DNAJC17: variants seen among roughly 807,000 people sequenced by gnomAD.
DNAJC17 encodes the protein dnaJ homolog subfamily C member 17.
A neutral mutation model predicts 48.1 loss-of-function variants in DNAJC17; 35 were observed. The ratio of observed to expected loss-of-function variants is 0.73; its 90% CI spans 0.56 to 0.96. The LOEUF (loss-of-function observed/expected upper bound fraction) is 0.96, where lower values mean the gene tolerates loss of function less well. Ranked by LOEUF, DNAJC17 falls within the 50% of genes least tolerant of loss-of-function variation. DNAJC17 has a pLI of 0.00. For synonymous variants in DNAJC17, 117 were observed against 142.7 expected (o/e 0.82, Z 1.28); for missense variants, 355 against 377.1 (o/e 0.94, Z 0.48).
At chr15:40,776,836 G>A in intron 4 of DNAJC17, 1 of 559,906 alleles carries the variant, frequency 1.8e-6, no homozygotes, top group Non-Finnish European at 3.2e-6. Context: ...AGAGTGGCCA[G>A]GGGTCTGGAA....
intron 4 of DNAJC17, among the ~76,000 whole-genome samples, chr15:40,777,536 T>C (rs1889364599): frequency 1.3e-5 from 2 of 152,142 alleles, no homozygotes; most frequent in Admixed American, 1.3e-4. Context: ...CTGGCCAATG[T>C]GGCAAAACTC....
intron 10 of DNAJC17, among the ~76,000 whole-genome samples, chr15:40,773,140 T>G (rs1339160313): frequency 6.6e-6 from 1 of 152,094 alleles, no homozygotes; most frequent in Non-Finnish European, 1.5e-5. Context: ...TTTGTGTTTT[T>G]GTAGAGACGG....
At chr15:40,782,899 G>GCCTC (rs1289899722) in intron 1 of DNAJC17, among the ~76,000 whole-genome samples, 2 of 152,132 alleles carry the variant, frequency 1.3e-5, no homozygotes, top group Non-Finnish European at 2.9e-5. Flanking sequence ...AACCACCCAG[G>GCCTC]ACAGGCGCTG....
At chr15:40,807,004 G>GA (rs1890251029) in intron 1 of DNAJC17, 1 of 512,232 alleles carries the variant, frequency 2.0e-6, no homozygotes. Context: ...GCCTGCAGAA[G>GA]AGACTGAAAT....
intron 1 of DNAJC17, among the ~76,000 whole-genome samples, chr15:40,783,954 T>C (rs1390847442): frequency 6.6e-6 from 1 of 152,126 alleles, no homozygotes; most frequent in East Asian, 1.9e-4. Flanking sequence ...AGGCTGGGTG[T>C]GGTGGCTCAC....
At chr15:40,796,230 T>C (rs1346837454) in intron 1 of DNAJC17, among the ~76,000 whole-genome samples, 1 of 152,206 alleles carries the variant, frequency 6.6e-6, no homozygotes, top group Non-Finnish European at 1.5e-5. Context: ...GACATAGTAG[T>C]AAACAAAACA....
rs1889090099 is a variant in DNAJC17, at chr15:40,770,234, A to G, written c.793-2172T>C. 2.0e-6 allele frequency: 1 copy of G among 502,998 alleles called. No individual in the cohort carries two copies. 31.2% of individuals were successfully genotyped at this position (502,998 alleles called of 1,614,324 possible). A position where few individuals can be genotyped will look rare whatever the true frequency, so the allele number is the denominator to read the frequency against. On this transcript the variant is annotated intron_variant, in intron 10 of 10. Coordinates refer to ENST00000220496, the MANE Select transcript of DNAJC17 (RefSeq NM_018163.3). This position sits in a 1 kb window ranked among gnomAD's most constrained non-coding sequence, Gnocchi z 5.0. ...TGGGTTTTTTTCCACTACCCTATTC[A>G]GTAACCAGGCCACTCCTGTCCCTGT... is the stretch of plus-strand genomic sequence containing the variant.
chr15:40,776,914 G>A, intron 4 of DNAJC17: 1 of 373,872 alleles, frequency 2.7e-6, no homozygotes, highest in Non-Finnish European at 5.1e-6. Flanking sequence ...TGGTGCTTAT[G>A]TCAGCAGCCC....
At chr15:40,787,560 A>G (rs957598149) in intron 1 of DNAJC17, among the ~76,000 whole-genome samples, 3 of 152,220 alleles carry the variant, frequency 2.0e-5, no homozygotes, top group African/African-American at 4.8e-5. Context: ...GGATAACCAC[A>G]GTGGGAACTA....
intron 4 of DNAJC17, among the ~76,000 whole-genome samples, chr15:40,778,926 C>T (rs754253593): frequency 8.6e-5 from 13 of 151,986 alleles, no homozygotes; most frequent in Non-Finnish European, 1.8e-4. Context: ...AGGGTGAGAC[C>T]CTGTCTCAAA....
intron 9 of DNAJC17, 31 bp downstream of exon 9, chr15:40,774,325 G>A (rs201311218): frequency 6.2e-6 from 10 of 1,612,278 alleles, no homozygotes; most frequent in African/African-American, 4.0e-5. Flanking sequence ...ACAGGGCCAC[G>A]AGGGGCCCCC....
chr15:40,792,593 C>A, intron 1 of DNAJC17: 2 of 914,428 alleles, frequency 2.2e-6, no homozygotes, highest in Non-Finnish European at 2.6e-6. Flanking sequence ...GGCAGGAGGA[C>A]TGCTTGAGCC....
At chr15:40,788,009 G>T (rs531938946) in intron 1 of DNAJC17, among the ~76,000 whole-genome samples, 155 of 152,258 alleles carry the variant, frequency 1.0e-3, no homozygotes, top group African/African-American at 3.6e-3. Context: ...CTTAGATAAG[G>T]AGGACACAGA....
chr15:40,806,581 G>A (rs1890233877), intron 1 of DNAJC17, among the ~76,000 whole-genome samples: 1 of 151,952 alleles, frequency 6.6e-6, no homozygotes, highest in Non-Finnish European at 1.5e-5. Context: ...TGTCGCCCAG[G>A]ATGGAGTGCA....
intron 1 of DNAJC17, among the ~76,000 whole-genome samples, chr15:40,804,139 T>A (rs578114633): frequency 0.054 from 8,154 of 150,782 alleles, 482 homozygotes; most frequent in African/African-American, 0.15. Flanking sequence ...GCTTTTTTTT[T>A]TATATATAGA....
At chr15:40,783,793 G>A (rs980939129) in intron 1 of DNAJC17, among the ~76,000 whole-genome samples, 8 of 152,164 alleles carry the variant, frequency 5.3e-5, no homozygotes, top group South Asian at 2.1e-4. Context: ...ATTCCGGGGG[G>A]CAGAGGCTTC....
intron 4 of DNAJC17, among the ~76,000 whole-genome samples, chr15:40,777,287 T>C (rs1463347562): frequency 1.3e-5 from 2 of 150,070 alleles, no homozygotes; most frequent in African/African-American, 4.9e-5. Context: ...CTCTCTTTTT[T>C]TTTTTTTTTT....
At chr15:40,783,835 CCTGGGTGACAGAGTAAGGCT>C (rs1184493520) in intron 1 of DNAJC17, among the ~76,000 whole-genome samples, 3 of 152,070 alleles carry the variant, frequency 2.0e-5, no homozygotes, top group African/African-American at 7.2e-5. Context: ...TGTACCCCAG[CCTGGGTGACAGAGTAAGGCT>C]CTGTCTCAAA....
chr15:40,784,735 T>C (rs1196716683), intron 1 of DNAJC17, among the ~76,000 whole-genome samples: 1 of 151,764 alleles, frequency 6.6e-6, no homozygotes, highest in African/African-American at 2.4e-5. Context: ...TCTGCCAGAG[T>C]GGTGTCAGAT....
Sources: allele counts gnomAD v4.1 joint callset (sites outside exome capture counted in the v4.1 genomes callset), GRCh38; gene constraint gnomAD v4.1.1; non-coding constraint Gnocchi (gnomAD v3.1); transcripts MANE v1.5; gene names NCBI Gene and HGNC (gene_info 2026-07-23, HGNC 2026-07-21).